The following HNF4A variants were observed in gnomAD, a reference collection of about 807,000 sequenced individuals.
The protein encoded by HNF4A is hepatocyte nuclear factor 4-alpha.
In HNF4A, 15 loss-of-function variants were observed where a neutral mutation model predicts 52.4. That is an observed-to-expected ratio of 0.29 (90% CI 0.19 to 0.44). The LOEUF is 0.44. Ranked by LOEUF, HNF4A falls within the 20% of genes least tolerant of loss-of-function variation. HNF4A has a pLI of 1.00. For missense variants in HNF4A, 479 were observed against 647.2 expected (o/e 0.74, Z 2.82); for synonymous variants, 280 against 264.4 (o/e 1.06, Z -0.57).
In HNF4A at chr20:44,429,802, C is replaced by T. The variant is rs1568746364; in HGVS notation, c.*137C>T. The stretch of plus-strand genomic sequence containing the variant: ...GCAGGAATGGGAAGGATGAAGGGCC[C>T]GAGAACATGGCCTAAGGGCCACATC... On this transcript the variant is annotated 3_prime_UTR_variant, in exon 10 of 10. Transcript: ENST00000316099. 20 of 902,140 alleles carry T rather than the reference C, an allele frequency of 2.2e-5. No homozygotes were observed. The highest frequency in any genetic ancestry group is 2.2e-4 in the South Asian group (14 of 64,270). 55.9% of individuals were successfully genotyped at this position (902,140 alleles called of 1,614,324 possible).
At chr20:44,420,934 T>C (rs1222200401) in intron 7 of HNF4A, among the ~76,000 whole-genome samples, 3 of 152,380 alleles carry the variant, frequency 2.0e-5, no homozygotes, top group Non-Finnish European at 4.4e-5. Flanking sequence ...CTGATTATTT[T>C]AATTGTTTCT....
chr20:44,384,159 CTTTTTT>C (rs371586705), intron 1 of HNF4A, among the ~76,000 whole-genome samples: 6 of 125,558 alleles, frequency 4.8e-5, no homozygotes, highest in East Asian at 2.4e-4. Flanking sequence ...CCCCTGGCTC[CTTTTTT>C]TTTTTTTTTT....
At chr20:44,405,931 G>A in intron 1 of HNF4A, 127 bp from the exon 2 acceptor site, 1 of 871,914 alleles carries the variant, frequency 1.1e-6, no homozygotes, top group Non-Finnish European at 1.9e-6. Flanking sequence ...GAGTGGGGAG[G>A]TGATGGAGTG....
chr20:44,386,044 A>G (rs1392176770), intron 1 of HNF4A, among the ~76,000 whole-genome samples: 1 of 149,738 alleles, frequency 6.7e-6, no homozygotes, highest in Non-Finnish European at 1.5e-5. Flanking sequence ...TTTAATAGAG[A>G]CAGGGTTTCA....
intron 3 of HNF4A, 75 bp downstream of exon 3, chr20:44,407,550 T>C: frequency 1.0e-6 from 1 of 1,002,894 alleles, no homozygotes; most frequent in South Asian, 1.4e-5. Context: ...CATTTACAAC[T>C]GTAGCCACAC....
At chr20:44,409,066 A>ATCCTTATG in intron 3 of HNF4A, among the ~76,000 whole-genome samples, 1 of 151,688 alleles carries the variant, frequency 6.6e-6, no homozygotes, top group Non-Finnish European at 1.5e-5. Flanking sequence ...TCTATGTCTC[A>ATCCTTATG]TCCTTATGGG....
intron 1 of HNF4A, among the ~76,000 whole-genome samples, chr20:44,385,766 A>G (rs2063215227): frequency 6.6e-6 from 1 of 151,182 alleles, no homozygotes; most frequent in Admixed American, 6.6e-5. Context: ...ACCATGCCCC[A>G]CCTCTATTTA....
At chr20:44,375,768 C>T (rs1162538763) in intron 1 of HNF4A, among the ~76,000 whole-genome samples, 1 of 152,120 alleles carries the variant, frequency 6.6e-6, no homozygotes, top group Non-Finnish European at 1.5e-5. Context: ...TTTCATTATC[C>T]GAGAACTTCT....
At chr20:44,407,006 C>T (rs951050210) in intron 2 of HNF4A, among the ~76,000 whole-genome samples, 3 of 152,092 alleles carry the variant, frequency 2.0e-5, no homozygotes, top group African/African-American at 2.4e-5. Context: ...TTATGTGAAC[C>T]GAGTATTAAC....
chr20:44,368,086 ATGTGTGTGTG>A (rs544910153), intron 1 of HNF4A, among the ~76,000 whole-genome samples: 3 of 102,252 alleles, frequency 2.9e-5, no homozygotes, highest in East Asian at 2.7e-4. Context: ...ATATATATAT[ATGTGTGTGTG>A]TGTGTGTGTG....
rs562255614 is a variant in HNF4A at position 44,369,144 on chromosome 20, G to A, written c.49+13291G>A. On this transcript the variant is annotated intron_variant, in intron 1 of 9. Coordinates refer to the HNF4A transcript ENST00000316673. ...GGCACCTGTAATCCCTGCTACTGTG[G>A]AGGCTGAGGCAGGAGAATCTCTTGA... is the stretch of plus-strand genomic sequence containing the variant. Among the ~76,000 whole-genome samples, 17 of 150,764 alleles carry A rather than the reference G, an allele frequency of 1.1e-4. No individual in the cohort carries two copies. In the East Asian group the frequency reaches 2.2e-3, roughly 19 times the overall value.
chr20:44,381,278 G>GGTT (rs1568699825), intron 1 of HNF4A, among the ~76,000 whole-genome samples: 2 of 121,672 alleles, frequency 1.6e-5, no homozygotes, highest in African/African-American at 7.1e-5. Flanking sequence ...ATCAGTGAGA[G>GGTT]CTTTTTTTTT....
At chr20:44,425,672 T>TTTTTGG (rs2063807040) in intron 8 of HNF4A, among the ~76,000 whole-genome samples, 1 of 149,696 alleles carries the variant, frequency 6.7e-6, no homozygotes, top group African/African-American at 2.5e-5. Context: ...TTTTTTTTTT[T>TTTTTGG]GAGACGAGAT....
At chr20:44,396,956 C>T (rs1227495189), upstream of HNF4A, among the ~76,000 whole-genome samples, 2 of 152,186 alleles carry the variant, frequency 1.3e-5, no homozygotes, top group African/African-American at 4.8e-5. Flanking sequence ...TATCTACTCT[C>T]TCATTTAATC....
At chr20:44,412,321 ATGT>A (rs2063596264) in intron 3 of HNF4A, among the ~76,000 whole-genome samples, 1 of 152,162 alleles carries the variant, frequency 6.6e-6, no homozygotes, top group Admixed American at 6.5e-5. Context: ...GGTGGGAGTC[ATGT>A]TGTGTTAGAC....
intron 1 of HNF4A, among the ~76,000 whole-genome samples, chr20:44,363,713 T>TA (rs1369088281): frequency 7.0e-6 from 1 of 143,328 alleles, no homozygotes; most frequent in African/African-American, 2.8e-5. Context: ...ACTCTTTTTT[T>TA]TTTTTTTTTT....
At chr20:44,379,084 A>G (rs768132004) in intron 1 of HNF4A, among the ~76,000 whole-genome samples, 13 of 152,266 alleles carry the variant, frequency 8.5e-5, no homozygotes, top group Non-Finnish European at 1.6e-4. Flanking sequence ...CCCCTAGCAT[A>G]ATGCCCTCAG....
upstream of HNF4A, among the ~76,000 whole-genome samples, chr20:44,397,460 T>C (rs1471302115): frequency 2.6e-5 from 4 of 152,216 alleles, no homozygotes. Context: ...TTATCATTTC[T>C]TTGTGTTGGG....
intron 3 of HNF4A, 50 bp from the exon 4 acceptor site, chr20:44,413,644 C>A: frequency 7.3e-7 from 1 of 1,378,034 alleles, no homozygotes. Flanking sequence ...CACCCCCACC[C>A]CCTACTCCAT....
Sources: gnomAD v4.1 joint callset for allele counts (sites outside exome capture counted in the v4.1 genomes callset) on GRCh38, gnomAD v4.1.1 for gene constraint, MANE v1.5 for transcripts, NCBI Gene and HGNC (gene_info 2026-07-23, HGNC 2026-07-21) for gene names.